TP63: variants seen among roughly 807,000 people sequenced by gnomAD.
The protein encoded by TP63 is tumor protein p63.
TP63 carries 17 observed loss-of-function variants against 82.8 expected under a neutral mutation model. That is an observed-to-expected ratio of 0.21 (90% CI 0.14 to 0.31). TP63 has a LOEUF of 0.31. TP63 is among the 10% of genes least tolerant of loss of function. The probability of loss-of-function intolerance (pLI) is 1.00; values close to 1 mark genes in which losing one functional copy is unlikely to be tolerated. For synonymous variants in TP63, 330 were observed against 321.7 expected (o/e 1.03, Z -0.28); for missense variants, 648 against 895.3 (o/e 0.72, Z 3.52).
At chr3:189,676,086 C>T (rs184970126) in intron 1 of TP63, among the ~76,000 whole-genome samples, 6 of 152,080 alleles carry the variant, frequency 3.9e-5, no homozygotes, top group South Asian at 2.1e-4. Flanking sequence ...TTGATGTATG[C>T]GTACATTGTT....
intron 3 of TP63, among the ~76,000 whole-genome samples, chr3:189,766,513 A>G (rs1019741347): frequency 1.3e-5 from 2 of 152,048 alleles, no homozygotes; most frequent in African/African-American, 4.8e-5. Context: ...GTGAAAGGAG[A>G]AGTTCCTAAC....
intron 1 of TP63, among the ~76,000 whole-genome samples, chr3:189,719,979 G>A (rs1488700783): frequency 1.3e-5 from 2 of 152,150 alleles, no homozygotes; most frequent in East Asian, 3.8e-4. Flanking sequence ...TATTAAAGAA[G>A]ATCCAGTTAG....
intron 1 of TP63, among the ~76,000 whole-genome samples, chr3:189,679,416 C>A (rs1480484353): frequency 2.6e-5 from 4 of 151,942 alleles, no homozygotes; most frequent in African/African-American, 7.2e-5. Context: ...ACCTAGTCAT[C>A]ATTTGTAAGA....
In TP63 at chr3:189,631,434, TTATATC is replaced by T. The variant is rs1429672311; in HGVS notation, c.-76_-71del. 4 of 1,602,414 alleles carry T rather than the reference TTATATC, an allele frequency of 2.5e-6. No individual in the cohort carries two copies. In the African/African-American group the frequency reaches 5.4e-5, roughly 22 times the overall value. ...CCCTATTGCTTTTAGCCTCCCGGCT[TTATATC>T]TATATATACACAGGTATATGTGTAT... On this transcript the variant is annotated 5_prime_UTR_variant, in exon 1 of 14. Transcript: ENST00000264731.
At chr3:189,666,870 T>G (rs1263270439) in intron 1 of TP63, among the ~76,000 whole-genome samples, 1 of 146,628 alleles carries the variant, frequency 6.8e-6, no homozygotes, top group Admixed American at 7.3e-5. Flanking sequence ...TGTAAATGGG[T>G]TTACATGCAT....
At chr3:189,839,318 A>G (rs1270043319) in intron 4 of TP63, among the ~76,000 whole-genome samples, 1 of 152,236 alleles carries the variant, frequency 6.6e-6, no homozygotes, top group Non-Finnish European at 1.5e-5. Context: ...CCGGAAGGAC[A>G]GTACAGAGGG....
chr3:189,826,361 T>G lies in TP63; in HGVS notation c.579+17835T>G, dbSNP rs576895264. On this transcript the variant is annotated intron_variant, in intron 4 of 13. Coordinates refer to ENST00000264731, the MANE Select transcript of TP63 (RefSeq NM_003722.5). ...AATTTAACTTCCCTTTTGCTTATACTACTTGAAAAATGATTTTATGGACAC... is the reference window on the plus strand; with the variant it reads ...AATTTAACTTCCCTTTTGCTTATACGACTTGAAAAATGATTTTATGGACAC... Among the ~76,000 whole-genome samples the G allele has an allele frequency of 3.3e-3, 505 of 152,328 alleles. 3 individuals are homozygous for G. Among genetic ancestry groups the G allele is most frequent in the African/African-American group, 0.012 (489 of 41,576 alleles).
the TP63 span, among the ~76,000 whole-genome samples, chr3:189,614,695 C>T: frequency 6.6e-6 from 1 of 152,150 alleles, no homozygotes; most frequent in African/African-American, 2.4e-5. Flanking sequence ...ATGTGGAGTA[C>T]ATTTAATCTG....
chr3:189,631,180 C>T (rs1034786624), upstream of TP63: 48 of 806,360 alleles, frequency 6.0e-5, no homozygotes, highest in Non-Finnish European at 6.8e-5. Flanking sequence ...ATGCCTCCAG[C>T]TCCAAATTGC....
At chr3:189,891,431 C>G (rs1371725148) in intron 13 of TP63, among the ~76,000 whole-genome samples, 1 of 152,168 alleles carries the variant, frequency 6.6e-6, no homozygotes, top group Non-Finnish European at 1.5e-5. Flanking sequence ...TCAGCCGTTC[C>G]TCTCAATTAA....
At chr3:189,647,983 TAGAA>T (rs1712566656) in intron 1 of TP63, among the ~76,000 whole-genome samples, 3 of 108,376 alleles carry the variant, frequency 2.8e-5, no homozygotes, top group Middle Eastern at 0.012. Context: ...AGATTTCACA[TAGAA>T]AGATTAAATA....
intron 4 of TP63, among the ~76,000 whole-genome samples, chr3:189,850,333 TA>T (rs1400360524): frequency 6.6e-6 from 1 of 151,862 alleles, no homozygotes; most frequent in Non-Finnish European, 1.5e-5. Flanking sequence ...ATTTCTAACG[TA>T]AAAAAAGTAA....
At chr3:189,638,945 T>A (rs921202851) in intron 1 of TP63, among the ~76,000 whole-genome samples, 1 of 152,068 alleles carries the variant, frequency 6.6e-6, no homozygotes, top group Admixed American at 6.6e-5. Flanking sequence ...CATAAAAAGG[T>A]AACTAGAGAT....
chr3:189,781,228 T>C (rs1724205445), intron 3 of TP63, among the ~76,000 whole-genome samples: 1 of 152,178 alleles, frequency 6.6e-6, no homozygotes, highest in Non-Finnish European at 1.5e-5. Flanking sequence ...ACCATTTCTG[T>C]ATACTTAGGA....
intron 3 of TP63, among the ~76,000 whole-genome samples, chr3:189,806,876 CT>C (rs1412034016): frequency 6.6e-6 from 1 of 151,592 alleles, no homozygotes; most frequent in East Asian, 1.9e-4. Flanking sequence ...TCTCCTCCCC[CT>C]GTGGAAAAAA....
chr3:189,782,911 A>T (rs1724334663), intron 3 of TP63, among the ~76,000 whole-genome samples: 1 of 152,130 alleles, frequency 6.6e-6, no homozygotes, highest in South Asian at 2.1e-4. Flanking sequence ...CTAGTGTTGT[A>T]GTAAGGTGAG....
intron 4 of TP63, among the ~76,000 whole-genome samples, chr3:189,847,390 C>G (rs1715030219): frequency 6.6e-6 from 1 of 152,150 alleles, no homozygotes; most frequent in Admixed American, 6.5e-5. Context: ...TCATCATCAT[C>G]ATTATCATCA....
intron 4 of TP63, among the ~76,000 whole-genome samples, chr3:189,856,031 C>T (rs1476077457): frequency 1.3e-5 from 2 of 151,470 alleles, no homozygotes; most frequent in African/African-American, 4.8e-5. Context: ...AATGGGCTGG[C>T]ATAATCAAAA....
intron 3 of TP63, among the ~76,000 whole-genome samples, chr3:189,756,672 A>G (rs575934144): frequency 8.0e-4 from 121 of 152,176 alleles, no homozygotes; most frequent in Non-Finnish European, 1.4e-3. Context: ...TTTATTGCCT[A>G]GGGGAAGGTG....
Sources: allele counts gnomAD v4.1 joint callset (sites outside exome capture counted in the v4.1 genomes callset), GRCh38; gene constraint gnomAD v4.1.1; transcripts MANE v1.5; gene names NCBI Gene and HGNC (gene_info 2026-07-23, HGNC 2026-07-21).